UNC13B: variants seen among roughly 807,000 people sequenced by gnomAD.
The protein encoded by UNC13B is unc-13 homolog B.
A neutral mutation model predicts 211.0 loss-of-function variants in UNC13B; 144 were observed. The observed-to-expected ratio is 0.68, with a 90% confidence interval of 0.60 to 0.78. The LOEUF (loss-of-function observed/expected upper bound fraction) is 0.78, where lower values mean the gene tolerates loss of function less well. UNC13B is among the 30% of genes least tolerant of loss of function. UNC13B has a pLI of 0.00. For synonymous variants in UNC13B, 709 were observed against 725.8 expected (o/e 0.98, Z 0.37); for missense variants, 1,777 against 2,002.0 (o/e 0.89, Z 2.14).
rs2132236314 is a variant in UNC13B, at chr9:35,378,346, C to T, written c.10115C>T (p.Pro3372Leu). ...QAKDKTGSSDPYVTVQVSKTK... is the reference protein window; with the variant it reads ...QAKDKTGSSDLYVTVQVSKTK... ...AAGGACAAAACAGGATCCAGTGACC[C>T]TTACGTGACTGTGCAAGTCAGCAAA... The change falls in exon 17 of 40, where the codon CCT becomes CTT. Residue 3372 changes from proline to leucine, a missense_variant. By Grantham distance (98) the Pro-to-Leu change is moderately conservative. Coordinates refer to ENST00000635942, the MANE Select transcript of UNC13B (RefSeq NM_001371189.2). The T allele has an allele frequency of 6.2e-7, 1 of 1,614,168 alleles. No homozygotes were observed. Among genetic ancestry groups the T allele is most frequent in the Admixed American group, 1.7e-5 (1 of 60,024 alleles).
intron 1 of UNC13B, among the ~76,000 whole-genome samples, chr9:35,203,914 G>A (rs1013960352): frequency 5.3e-5 from 8 of 152,218 alleles, no homozygotes; most frequent in African/African-American, 1.7e-4. Flanking sequence ...TCAAGACAAC[G>A]AGGAAAAGAC....
intron 25 of UNC13B, 58 bp from the exon 26 acceptor site, chr9:35,390,571 G>A: frequency 1.9e-6 from 3 of 1,580,656 alleles, no homozygotes; most frequent in Non-Finnish European, 2.6e-6. Context: ...GCCTTGAAAT[G>A]AATCAAATCA....
intron 11 of UNC13B, among the ~76,000 whole-genome samples, chr9:35,363,193 G>T (rs758703450): frequency 5.9e-5 from 9 of 152,212 alleles, no homozygotes; most frequent in Non-Finnish European, 1.2e-4. Context: ...ATGGAGAGCC[G>T]TGACGGCTCT....
chr9:35,251,498 A>G (rs1017412766), intron 6 of UNC13B, among the ~76,000 whole-genome samples: 13 of 152,068 alleles, frequency 8.5e-5, no homozygotes, highest in African/African-American at 2.7e-4. Context: ...GAGGCAGGAG[A>G]ATCACTTGAA....
In UNC13B at chr9:35,370,735, C is replaced by T. The variant is rs528584150; in HGVS notation, c.9540+339C>T. On this transcript the variant is annotated intron_variant, in intron 13 of 39. Coordinates refer to ENST00000635942, the MANE Select transcript of UNC13B (RefSeq NM_001371189.2). ...GACCTGTAATGGAAATTGCCTCCAG[C>T]CCTTGACCTCTTGATCATTGAGCTT... Among the ~76,000 whole-genome samples the T allele has an allele frequency of 2.6e-5, 4 of 152,334 alleles. No individual in the cohort carries two copies. The South Asian group carries it at 8.3e-4, about 32-fold the overall frequency.
chr9:35,340,877 C>T (rs1831950174), intron 11 of UNC13B, among the ~76,000 whole-genome samples: 2 of 152,196 alleles, frequency 1.3e-5, no homozygotes, highest in African/African-American at 4.8e-5. Flanking sequence ...TTTTATGCTA[C>T]AGAGCTTCAA....
At chr9:35,311,086 C>T (rs1405324974) in intron 10 of UNC13B, among the ~76,000 whole-genome samples, 3 of 152,136 alleles carry the variant, frequency 2.0e-5, no homozygotes, top group African/African-American at 7.2e-5. Flanking sequence ...GCAATTCTCC[C>T]ACCTCAGCTT....
intron 21 of UNC13B, among the ~76,000 whole-genome samples, chr9:35,383,672 TA>T (rs1424820070): frequency 6.6e-6 from 1 of 152,098 alleles, no homozygotes; most frequent in Non-Finnish European, 1.5e-5. Context: ...ATTAAAATAG[TA>T]TATGTTAGAT....
At chr9:35,256,760 C>A (rs1394827981) in intron 6 of UNC13B, among the ~76,000 whole-genome samples, 2 of 152,140 alleles carry the variant, frequency 1.3e-5, no homozygotes, top group Non-Finnish European at 2.9e-5. Context: ...GAATATTACA[C>A]ACACTTATTT....
chr9:35,333,262 GAATA>G (rs1831470570), intron 11 of UNC13B, among the ~76,000 whole-genome samples: 1 of 152,162 alleles, frequency 6.6e-6, no homozygotes, highest in Admixed American at 6.5e-5. Context: ...GTGAGTGAGT[GAATA>G]GAGAAGTGAA....
intron 1 of UNC13B, among the ~76,000 whole-genome samples, chr9:35,227,316 A>G (rs951277931): frequency 1.3e-5 from 2 of 152,200 alleles, no homozygotes; most frequent in African/African-American, 4.8e-5. Flanking sequence ...ACTCTTAAGC[A>G]TCCTTTCCAG....
At chr9:35,231,277 G>C (rs1825188535) in intron 3 of UNC13B, 58 bp downstream of exon 3, 1 of 1,098,202 alleles carries the variant, frequency 9.1e-7, no homozygotes, top group South Asian at 1.3e-5. Context: ...TAAGGGAATT[G>C]CATTGGATGA....
At chr9:35,247,872 A>G (rs1826199509) in intron 6 of UNC13B, among the ~76,000 whole-genome samples, 1 of 152,306 alleles carries the variant, frequency 6.6e-6, no homozygotes, top group East Asian at 1.9e-4. Context: ...GCCTCATAAA[A>G]TGAGTTAGGG....
At chr9:35,215,223 T>C (rs1020900829) in intron 1 of UNC13B, among the ~76,000 whole-genome samples, 1 of 151,990 alleles carries the variant, frequency 6.6e-6, no homozygotes, top group African/African-American at 2.4e-5. Flanking sequence ...CTGGGCAACA[T>C]AGACCCTGTT....
chr9:35,189,528 C>T (rs1822536639), intron 1 of UNC13B, among the ~76,000 whole-genome samples: 1 of 152,172 alleles, frequency 6.6e-6, no homozygotes, highest in Admixed American at 6.5e-5. Context: ...TTAAAGATTA[C>T]AGTCATGTGA....
At chr9:35,262,764 C>T (rs7025623) in intron 7 of UNC13B, among the ~76,000 whole-genome samples, 76,755 of 151,780 alleles carry the variant, frequency 0.51, 20,080 homozygotes, top group Non-Finnish European at 0.57. Flanking sequence ...AACATCATCT[C>T]TATAAAAAAA....
In UNC13B at chr9:35,188,271, A is replaced by G. The variant is rs1027182735; in HGVS notation, c.22+25966A>G. Among the ~76,000 whole-genome samples the G allele has an allele frequency of 8.5e-5, 13 of 152,226 alleles. 1 individual carries two copies. The highest frequency in any genetic ancestry group is 2.6e-4 in the Admixed American group (4 of 15,276). ...TTAAAGTCCTGTAGCTTGATTATAA[A>G]CCATCTTTTGAGAAAGAACAAAGCA... On this transcript the variant is annotated intron_variant, in intron 1 of 39. Transcript: ENST00000635942.
At position 35,403,764 on chromosome 9, in the gene UNC13B, G is replaced by A. The variant is rs1488434330; in HGVS notation, c.12754G>A (p.Glu4252Lys). 1 of 1,614,124 alleles carries A rather than the reference G, an allele frequency of 6.2e-7. No homozygotes were observed. The highest frequency in any genetic ancestry group is 8.5e-7 in the Non-Finnish European group (1 of 1,180,024). ...TGCTCACAGCCTCCTGGGAAATGAG[G>A]AGGGGCCCGAGTCCTATGAGTTGCA... is the stretch of plus-strand genomic sequence containing the variant. Reference protein sequence around the residue: ...ETFHFLLGNEEGPESYELQIC... With the variant: ...ETFHFLLGNEKGPESYELQIC... Residue 4252 changes from glutamate to lysine, a missense_variant, in exon 40 of 40, where the codon GAG becomes AAG. Transcript: ENST00000635942.
At chr9:35,256,724 A>G (rs1826901203) in intron 6 of UNC13B, among the ~76,000 whole-genome samples, 1 of 152,214 alleles carries the variant, frequency 6.6e-6, no homozygotes, top group Non-Finnish European at 1.5e-5. Flanking sequence ...ATATGTGTGC[A>G]CACATATACA....
Sources: gnomAD v4.1 joint callset for allele counts (sites outside exome capture counted in the v4.1 genomes callset) on GRCh38, gnomAD v4.1.1 for gene constraint, MANE v1.5 for transcripts, NCBI Gene and HGNC (gene_info 2026-07-23, HGNC 2026-07-21) for gene names.